The following DOCK1 variants were observed in gnomAD, a reference collection of about 807,000 sequenced individuals.
DOCK1 encodes the protein dedicator of cytokinesis protein 1.
DOCK1 carries 138 observed loss-of-function variants against 262.7 expected under a neutral mutation model. That is an observed-to-expected ratio of 0.53 (90% CI 0.46 to 0.61). The LOEUF (loss-of-function observed/expected upper bound fraction) is 0.61. DOCK1 is among the 20% of genes least tolerant of loss of function. The probability of loss-of-function intolerance (pLI) is 0.00; values close to 1 mark genes in which losing one functional copy is unlikely to be tolerated. For missense variants in DOCK1, 1,908 were observed against 2,370.7 expected (o/e 0.80, Z 4.05); for synonymous variants, 866 against 867.4 (o/e 1.00, Z 0.03).
At chr10:127,143,160 T>C (rs578091196) in intron 27 of DOCK1, among the ~76,000 whole-genome samples, 3 of 152,210 alleles carry the variant, frequency 2.0e-5, no homozygotes, top group African/African-American at 7.2e-5. Context: ...CTCAAGATAA[T>C]TTAAGAGGAA....
At chr10:127,024,430 G>C (rs1200891058) in intron 14 of DOCK1, among the ~76,000 whole-genome samples, 1 of 152,196 alleles carries the variant, frequency 6.6e-6, no homozygotes. Flanking sequence ...AGGGTTGAGG[G>C]TCTGGGGAAC....
At chr10:127,041,893 C>A (rs531342800) in intron 19 of DOCK1, among the ~76,000 whole-genome samples, 1 of 152,104 alleles carries the variant, frequency 6.6e-6, no homozygotes, top group Non-Finnish European at 1.5e-5. Context: ...TCTTCTAATA[C>A]GAATCATCAC....
chr10:127,312,759 A>C (rs1590391366), intron 29 of DOCK1, among the ~76,000 whole-genome samples: 8 of 141,858 alleles, frequency 5.6e-5, no homozygotes, highest in African/African-American at 1.1e-4. Context: ...CTGTGCCTCC[A>C]CCCCCATCCT....
At chr10:127,438,721 A>G (rs1255621137) in intron 48 of DOCK1, among the ~76,000 whole-genome samples, 1 of 152,234 alleles carries the variant, frequency 6.6e-6, no homozygotes, top group Non-Finnish European at 1.5e-5. Context: ...CCCTTTTGAA[A>G]TATGCCCTAA....
intron 27 of DOCK1, among the ~76,000 whole-genome samples, chr10:127,204,864 A>G (rs778207881): frequency 4.5e-4 from 68 of 152,268 alleles, no homozygotes; most frequent in Middle Eastern, 6.8e-3. Context: ...TGGACAAGCC[A>G]TCCTTGCACA....
chr10:126,909,956 AT>A (rs1422378334), intron 1 of DOCK1, among the ~76,000 whole-genome samples: 4 of 152,208 alleles, frequency 2.6e-5, no homozygotes, highest in Non-Finnish European at 5.9e-5. Flanking sequence ...TAGAAGTCAC[AT>A]TTGCTCAGTG....
chr10:127,266,844 G>A (rs2060378384), intron 29 of DOCK1, among the ~76,000 whole-genome samples: 2 of 152,206 alleles, frequency 1.3e-5, no homozygotes, highest in South Asian at 4.2e-4. Flanking sequence ...AAGAAAACTG[G>A]CCTAACCTGA....
intron 10 of DOCK1, among the ~76,000 whole-genome samples, chr10:127,002,207 T>G (rs973635737): frequency 1.3e-5 from 2 of 152,192 alleles, no homozygotes; most frequent in Admixed American, 1.3e-4. Context: ...CATAATTGGC[T>G]TCATTTGAGC....
intron 27 of DOCK1, among the ~76,000 whole-genome samples, chr10:127,235,524 T>C (rs1026336223): frequency 2.0e-5 from 3 of 152,186 alleles, no homozygotes; most frequent in African/African-American, 7.2e-5. Context: ...TATTTGTTTA[T>C]TTAGTAGGTA....
intron 29 of DOCK1, among the ~76,000 whole-genome samples, chr10:127,288,337 A>G (rs1361289478): frequency 6.6e-6 from 1 of 152,178 alleles, no homozygotes; most frequent in Non-Finnish European, 1.5e-5. Context: ...CAAACCTGGA[A>G]TAAGCCAAGA....
intron 6 of DOCK1, among the ~76,000 whole-genome samples, chr10:126,994,772 C>G (rs2040047622): frequency 1.3e-5 from 2 of 152,220 alleles, no homozygotes; most frequent in South Asian, 4.1e-4. Context: ...CCCACATTTC[C>G]CCCTTTTCTA....
intron 27 of DOCK1, among the ~76,000 whole-genome samples, chr10:127,178,164 A>G (rs527763997): frequency 1.4e-4 from 21 of 152,284 alleles, no homozygotes; most frequent in African/African-American, 5.1e-4. Context: ...AATGACCTCT[A>G]TGTCTCAGGC....
chr10:127,150,835 C>T (rs892174901), intron 27 of DOCK1, among the ~76,000 whole-genome samples: 1 of 152,172 alleles, frequency 6.6e-6, no homozygotes, highest in Non-Finnish European at 1.5e-5. Context: ...TGCCACAGGA[C>T]TTTGCTCCAC....
rs527393207 is a variant in DOCK1, at chr10:127,151,026, T to G, written c.2847+23262T>G. Among the ~76,000 whole-genome samples, 2 of 152,320 alleles carry G rather than the reference T, an allele frequency of 1.3e-5. 1 individual carries two copies. Among genetic ancestry groups the G allele is most frequent in the African/African-American group, 4.8e-5 (2 of 41,566 alleles). On this transcript the variant is annotated intron_variant, in intron 27 of 51. Transcript: ENST00000623213. ...AAATAACATGTTTAAGTTAGGTACG[T>G]GTCAATTTTTTATGATTTCCCCATT...
At chr10:127,361,731 G>A (rs1448773974) in intron 32 of DOCK1, among the ~76,000 whole-genome samples, 1 of 152,150 alleles carries the variant, frequency 6.6e-6, no homozygotes, top group Non-Finnish European at 1.5e-5. Flanking sequence ...ATTCAGAATT[G>A]GGAATTAGCT....
rs978002929 is a variant in DOCK1, at chr10:127,226,022, C to T, written c.2848-21986C>T. Among the ~76,000 whole-genome samples the T allele has an allele frequency of 2.1e-4, 31 of 148,370 alleles. 1 individual carries two copies. Among genetic ancestry groups the T allele is most frequent in the Non-Finnish European group, 8.9e-5 (6 of 67,476 alleles). On this transcript the variant is annotated intron_variant, in intron 27 of 51. Coordinates refer to ENST00000623213, the MANE Select transcript of DOCK1 (RefSeq NM_001290223.2). ...GAACTTGGGAGGCAGAGGTTGCAGT[C>T]AGCCAAGATCATGCCACTGCACTCC...
At chr10:127,376,669 T>A (rs2065512107) in intron 35 of DOCK1, among the ~76,000 whole-genome samples, 1 of 152,254 alleles carries the variant, frequency 6.6e-6, no homozygotes, top group Non-Finnish European at 1.5e-5. Flanking sequence ...CCTTCCCTAC[T>A]ATGGACATAA....
chr10:126,995,244 C>T lies in DOCK1; in HGVS notation c.474-1504C>T, dbSNP rs1430631225. Among the ~76,000 whole-genome samples, 1 of 152,146 alleles carries T rather than the reference C, an allele frequency of 6.6e-6. No individual in the cohort carries two copies. The highest frequency in any genetic ancestry group is 2.4e-5 in the African/African-American group (1 of 41,432). ...CCTCACTTCCCAGACGGGGTGGCGG[C>T]CGGGCAGAGGCTGCAATCTCGGCAC... is the stretch of plus-strand genomic sequence containing the variant. On this transcript the variant is annotated intron_variant, in intron 6 of 51. Transcript: ENST00000623213. The surrounding 1 kb of genome is among the most constrained non-coding windows in gnomAD (Gnocchi z 5.8).
intron 5 of DOCK1, chr10:126,988,244 T>C (rs1348144126): frequency 6.6e-6 from 1 of 152,234 alleles, no homozygotes; most frequent in Non-Finnish European, 1.5e-5. Context: ...TGCACATAAA[T>C]TCATATTTGC....
Sources: allele counts gnomAD v4.1 joint callset (sites outside exome capture counted in the v4.1 genomes callset), GRCh38; gene constraint gnomAD v4.1.1; non-coding constraint Gnocchi (gnomAD v3.1); transcripts MANE v1.5; gene names NCBI Gene and HGNC (gene_info 2026-07-23, HGNC 2026-07-21).